ARFGEF2: variants seen among roughly 807,000 people sequenced by gnomAD.
ARFGEF2 encodes the protein ARF guanine nucleotide exchange factor 2.
A neutral mutation model predicts 219.9 loss-of-function variants in ARFGEF2; 74 were observed. The observed-to-expected ratio is 0.34, with a 90% confidence interval of 0.28 to 0.41. ARFGEF2 has a LOEUF of 0.41. Ranked by LOEUF, ARFGEF2 falls within the 10% of genes least tolerant of loss-of-function variation. The pLI is 1.00. For missense variants in ARFGEF2, 1,743 were observed against 2,218.3 expected, an observed-to-expected ratio of 0.79 and a Z score of 4.30; for synonymous variants, 733 against 799.2, an observed-to-expected ratio of 0.92 and a Z score of 1.40.
intron 14 of ARFGEF2, among the ~76,000 whole-genome samples, chr20:48,982,868 C>G (rs2091305051): frequency 6.6e-6 from 1 of 152,186 alleles, no homozygotes; most frequent in Admixed American, 6.5e-5. Flanking sequence ...AGTATTTGGG[C>G]AGGAGTGTCC....
At chr20:48,957,913 C>T (rs2091115020) in intron 6 of ARFGEF2, among the ~76,000 whole-genome samples, 1 of 152,200 alleles carries the variant, frequency 6.6e-6, no homozygotes, top group Non-Finnish European at 1.5e-5. Flanking sequence ...GTTATATACT[C>T]TATCCCTCCA....
At chr20:48,965,054 T>C (rs1292999834) in intron 7 of ARFGEF2, among the ~76,000 whole-genome samples, 1 of 152,228 alleles carries the variant, frequency 6.6e-6, no homozygotes, top group Non-Finnish European at 1.5e-5. Flanking sequence ...CAAAGCTATA[T>C]ACATATTCTA....
At chr20:48,998,560 C>G (rs1407880544) in intron 25 of ARFGEF2, 55 bp downstream of exon 25, 2 of 1,527,326 alleles carry the variant, frequency 1.3e-6, no homozygotes, top group Admixed American at 3.5e-5. Context: ...AAGTAGACAA[C>G]TGAATTCAAA....
chr20:48,998,755 G>A (rs187763662), intron 25 of ARFGEF2, among the ~76,000 whole-genome samples: 1 of 152,260 alleles, frequency 6.6e-6, no homozygotes, highest in East Asian at 1.9e-4. Context: ...TGTAGGCTAA[G>A]ACCACAAAGA....
intron 23 of ARFGEF2, among the ~76,000 whole-genome samples, chr20:48,996,464 A>G (rs2091388227): frequency 6.6e-6 from 1 of 151,256 alleles, no homozygotes; most frequent in African/African-American, 2.4e-5. Flanking sequence ...GCAAAAAAAA[A>G]ACGCCTACCC....
In ARFGEF2 at chr20:49,036,203, A is replaced by G. The variant is rs1193037578; in HGVS notation, c.*3004A>G. The G allele has an allele frequency of 5.0e-6, 2 of 398,232 alleles. No homozygotes were observed. Among genetic ancestry groups the G allele is most frequent in the Non-Finnish European group, 8.9e-6 (2 of 225,934 alleles). The allele number at this position is 398,232 out of a possible 1,614,324, so 24.7% of individuals were successfully genotyped here. ...TGAATTCTGTTTTAATATTTGTGTT[A>G]AAGTAGACATAGCTGAACTCACATG... On this transcript the variant is annotated 3_prime_UTR_variant, in exon 39 of 39. Coordinates refer to ENST00000371917, the MANE Select transcript of ARFGEF2 (RefSeq NM_006420.3).
intron 22 of ARFGEF2, 53 bp downstream of exon 22, chr20:48,994,651 A>G (rs2091375992): frequency 6.2e-7 from 1 of 1,606,836 alleles, no homozygotes; most frequent in African/African-American, 1.3e-5. Flanking sequence ...GCTAACGGGG[A>G]TGAAACCCTT....
In ARFGEF2 at chr20:49,036,569, G is replaced by A. The variant is rs1329016490; in HGVS notation, c.*3370G>A. ...CCAATGGATGTATAAATTTTTGAAA[G>A]AATAAGCAGAATTATATAATATGAA... On this transcript the variant is annotated 3_prime_UTR_variant, in exon 39 of 39. Coordinates refer to ENST00000371917, the MANE Select transcript of ARFGEF2 (RefSeq NM_006420.3). 1 of 221,110 alleles carries A rather than the reference G, an allele frequency of 4.5e-6. No individual in the cohort carries two copies. Among genetic ancestry groups the A allele is most frequent in the African/African-American group, 2.3e-5 (1 of 44,294 alleles). 13.7% of individuals were successfully genotyped at this position (221,110 alleles called of 1,614,324 possible).
chr20:48,938,528 T>TTA (rs1212251112), intron 1 of ARFGEF2, among the ~76,000 whole-genome samples: 1 of 152,236 alleles, frequency 6.6e-6, no homozygotes, highest in Non-Finnish European at 1.5e-5. Context: ...GTAGCTGGGA[T>TTA]ATCCATCACT....
chr20:48,995,954 G>A (rs2091383392), intron 23 of ARFGEF2, 72 bp downstream of exon 23: 2 of 1,319,900 alleles, frequency 1.5e-6, no homozygotes, highest in Non-Finnish European at 2.2e-6. Flanking sequence ...TACTGGACAT[G>A]AATGATTCCT....
At chr20:48,995,754 T>G (rs753066451) in intron 22 of ARFGEF2, 29 bp from the exon 23 acceptor site, 17 of 1,588,172 alleles carry the variant, frequency 1.1e-5, no homozygotes, top group Non-Finnish European at 1.5e-5. Context: ...GTTTTTGAAG[T>G]ACTGCTGATT....
chr20:48,989,520 A>T, intron 19 of ARFGEF2, 36 bp from the exon 20 acceptor site: 1 of 1,614,140 alleles, frequency 6.2e-7, no homozygotes, highest in Non-Finnish European at 8.5e-7. Context: ...CCACGCTAAA[A>T]CTCTGGATGT....
intron 9 of ARFGEF2, among the ~76,000 whole-genome samples, chr20:48,970,604 T>C (rs1413289397): frequency 6.6e-6 from 1 of 151,206 alleles, no homozygotes; most frequent in Non-Finnish European, 1.5e-5. Flanking sequence ...AGAGCAAAAC[T>C]CCGTCTCAAA....
rs1276653314 is a variant in ARFGEF2 at position 48,985,441 on chromosome 20, A to G, written c.2104A>G (p.Arg702Gly). The G allele has an allele frequency of 8.1e-6, 13 of 1,614,086 alleles. No homozygotes were observed. The highest frequency in any genetic ancestry group is 1.0e-5 in the Non-Finnish European group (12 of 1,180,046). The change falls in exon 16 of 39, where the codon AGG (arginine) becomes GGG (glycine). Residue 702 changes from arginine to glycine, a missense_variant. By Grantham distance (125) the Arg-to-Gly change is moderately radical (BLOSUM62 -2). Around this residue, in one of 5 missense-constraint regions of ARFGEF2, gnomAD observed 666 missense variants for 955.4 expected, o/e 0.70. Coordinates refer to ENST00000371917, the MANE Select transcript of ARFGEF2 (RefSeq NM_006420.3). ...QVGDFLGDSARFNKEVMYAYV... is the reference protein window; with the variant it reads ...QVGDFLGDSAGFNKEVMYAYV... Reference sequence around the variant, plus strand: ...AGGCGATTTTCTGGGAGATAGCGCAAGGTTCAACAAGGAGGTGATGTATGC... The same window carrying G: ...AGGCGATTTTCTGGGAGATAGCGCAGGGTTCAACAAGGAGGTGATGTATGC...
rs1207439334 is a variant in ARFGEF2, at chr20:49,017,326, G to A, written c.4393G>A (p.Glu1465Lys). ...ATCCAATGGAGAGAAATTCAGTCCTGAAGTCTGGGATGAAACCTGCAACTG... is the reference window on the plus strand; with the variant it reads ...ATCCAATGGAGAGAAATTCAGTCCTAAAGTCTGGGATGAAACCTGCAACTG... The part of the protein sequence containing the change: ...VISNGEKFSP[E>K]VWDETCNCML... Residue 1465 changes from glutamate (E) to lysine (K), a missense_variant, in exon 32 of 39, where the codon GAA (glutamate) becomes AAA (lysine). Physicochemically the swap from Glu to Lys is moderately conservative, Grantham distance 56. This residue lies in a region of ARFGEF2 where 578 missense variants were observed against 664.0 expected (regional missense o/e 0.87). Transcript: ENST00000371917. 6.2e-7 allele frequency: 1 copy of A among 1,613,942 alleles called. No homozygotes were observed. The highest frequency in any genetic ancestry group is 8.5e-7 in the Non-Finnish European group (1 of 1,179,992).
At chr20:49,007,866 C>T (rs960300532) in intron 26 of ARFGEF2, among the ~76,000 whole-genome samples, 3 of 152,094 alleles carry the variant, frequency 2.0e-5, no homozygotes, top group Non-Finnish European at 2.9e-5. Context: ...TGAGTCCTCA[C>T]ATGGCCAAGC....
Position 49,016,415 on chromosome 20 carries a change from G to A in ARFGEF2, c.4315G>A (p.Asp1439Asn). The A allele has an allele frequency of 6.2e-7, 1 of 1,611,854 alleles. No homozygotes were observed. Among genetic ancestry groups the A allele is most frequent in the Non-Finnish European group, 8.5e-7 (1 of 1,179,902 alleles). ...FAQLQWCVKQ[D>N]NEQLARSGTN... ...ACAATTGCAGTGGTGTGTCAAACAAGGTACTCTTTAAGCCTCTAGGCATCA... is the reference window on the plus strand; with the variant it reads ...ACAATTGCAGTGGTGTGTCAAACAAAGTACTCTTTAAGCCTCTAGGCATCA... The change falls in exon 31 of 39, where the codon GAT (aspartate) becomes AAT (asparagine). Residue 1439 changes from aspartate to asparagine, a missense_variant and splice_region_variant. Transcript: ENST00000371917.
intron 6 of ARFGEF2, among the ~76,000 whole-genome samples, chr20:48,958,219 A>G (rs1368597506): frequency 1.7e-4 from 26 of 152,134 alleles, no homozygotes. Flanking sequence ...TTGAGAGCTC[A>G]CTTTTTTCAG....
At chr20:48,956,470 A>G (rs2091106276) in intron 6 of ARFGEF2, among the ~76,000 whole-genome samples, 2 of 152,308 alleles carry the variant, frequency 1.3e-5, no homozygotes, top group African/African-American at 4.8e-5. Flanking sequence ...GTTTGTTTTT[A>G]GGATTCTGAC....
Sources: allele counts gnomAD v4.1 joint callset (sites outside exome capture counted in the v4.1 genomes callset), GRCh38; gene constraint gnomAD v4.1.1; regional missense constraint gnomAD v4.1.1; transcripts MANE v1.5; gene names NCBI Gene and HGNC (gene_info 2026-07-23, HGNC 2026-07-21).